STXBP5L: variants seen among roughly 807,000 people sequenced by gnomAD.
STXBP5L encodes the protein syntaxin-binding protein 5-like.
STXBP5L carries 65 observed loss-of-function variants against 144.5 expected under a neutral mutation model. The observed-to-expected ratio is 0.45, with a 90% CI of 0.37 to 0.55. The LOEUF (loss-of-function observed/expected upper bound fraction) is 0.55. Ranked by LOEUF, STXBP5L falls within the 20% of genes least tolerant of loss-of-function variation. The probability of loss-of-function intolerance (pLI) is 0.00; values close to 1 mark genes in which losing one functional copy is unlikely to be tolerated. For synonymous variants in STXBP5L, 505 were observed against 469.6 expected, an observed-to-expected ratio of 1.08 and a Z score of -0.97; for missense variants, 1,298 against 1,405.5, an observed-to-expected ratio of 0.92 and a Z score of 1.22.
At chr3:121,340,332 T>A (rs1207559124) in intron 20 of STXBP5L, among the ~76,000 whole-genome samples, 2 of 152,090 alleles carry the variant, frequency 1.3e-5, no homozygotes, top group Non-Finnish European at 2.9e-5. Context: ...GTCTTTTTTT[T>A]ACTTTTTTTA....
intron 19 of STXBP5L, among the ~76,000 whole-genome samples, chr3:121,308,763 A>T (rs1323911082): frequency 6.6e-6 from 1 of 152,110 alleles, no homozygotes; most frequent in Non-Finnish European, 1.5e-5. Flanking sequence ...CTTATTTCTT[A>T]GCTTTTATAA....
intron 5 of STXBP5L, among the ~76,000 whole-genome samples, chr3:121,075,351 C>A (rs1044243320): frequency 1.3e-5 from 2 of 152,160 alleles, no homozygotes; most frequent in African/African-American, 2.4e-5. Context: ...ATGACTGTGA[C>A]CATGACCACG....
intron 3 of STXBP5L, among the ~76,000 whole-genome samples, chr3:121,007,516 T>G (rs1944428159): frequency 6.6e-6 from 1 of 152,072 alleles, no homozygotes; most frequent in Non-Finnish European, 1.5e-5. Context: ...GGGTATGAAT[T>G]TTTTTCTTGG....
intron 9 of STXBP5L, among the ~76,000 whole-genome samples, chr3:121,201,664 T>C (rs1269215019): frequency 3.9e-5 from 6 of 152,068 alleles, no homozygotes. Flanking sequence ...TGTTTTTTTT[T>C]TTCCATATTT....
At chr3:121,415,692 G>T (rs1292695992) in intron 24 of STXBP5L, among the ~76,000 whole-genome samples, 165 bp from the exon 25 acceptor site, 1 of 152,168 alleles carries the variant, frequency 6.6e-6, no homozygotes, top group Non-Finnish European at 1.5e-5. Flanking sequence ...AGGAACAAAA[G>T]AAATGCCAGA....
intron 3 of STXBP5L, among the ~76,000 whole-genome samples, chr3:121,038,107 T>C (rs954665081): frequency 1.3e-5 from 2 of 151,970 alleles, no homozygotes; most frequent in African/African-American, 4.8e-5. Context: ...TGGTTTCACT[T>C]TTTTTAAATT....
intron 19 of STXBP5L, among the ~76,000 whole-genome samples, chr3:121,306,398 T>C (rs1043868071): frequency 1.3e-5 from 2 of 152,154 alleles, no homozygotes; most frequent in African/African-American, 4.8e-5. Flanking sequence ...TAGACCTCAG[T>C]ACCATAAAAT....
At chr3:120,997,064 T>C (rs1399216607) in intron 3 of STXBP5L, among the ~76,000 whole-genome samples, 2 of 152,204 alleles carry the variant, frequency 1.3e-5, no homozygotes, top group African/African-American at 4.8e-5. Context: ...TTTCTGTTCC[T>C]GTGTTGACAT....
chr3:121,209,722 G>A (rs2048481235), intron 10 of STXBP5L, among the ~76,000 whole-genome samples: 2 of 152,102 alleles, frequency 1.3e-5, no homozygotes, highest in South Asian at 4.1e-4. Flanking sequence ...TGAGAATGAT[G>A]GTTTCCAGCT....
At chr3:121,186,908 GA>G (rs2108136234) in intron 9 of STXBP5L, among the ~76,000 whole-genome samples, 1 of 152,138 alleles carries the variant, frequency 6.6e-6, no homozygotes, top group South Asian at 2.1e-4. Context: ...AAAAAGTCAG[GA>G]AACAACAGGT....
At chr3:120,999,634 T>C (rs575698570) in intron 3 of STXBP5L, among the ~76,000 whole-genome samples, 177 of 152,284 alleles carry the variant, frequency 1.2e-3, no homozygotes, top group African/African-American at 4.2e-3. Context: ...TGGGGTTTTT[T>C]TTTGTGGACT....
chr3:121,044,176 G>T (rs1947350985), intron 4 of STXBP5L, among the ~76,000 whole-genome samples: 1 of 152,168 alleles, frequency 6.6e-6, no homozygotes, highest in African/African-American at 2.4e-5. Flanking sequence ...ATGTATGTAT[G>T]TAATTAGATA....
chr3:121,202,159 T>C (rs934483778), intron 9 of STXBP5L, among the ~76,000 whole-genome samples: 1 of 152,150 alleles, frequency 6.6e-6, no homozygotes, highest in African/African-American at 2.4e-5. Flanking sequence ...TTAAATCTTA[T>C]ATAATTGTAT....
chr3:121,124,526 C>T (rs1035445520), intron 7 of STXBP5L, among the ~76,000 whole-genome samples: 5 of 151,730 alleles, frequency 3.3e-5, no homozygotes, highest in African/African-American at 4.8e-5. Flanking sequence ...TCGATAAGTA[C>T]CTTATAGAAT....
intron 3 of STXBP5L, among the ~76,000 whole-genome samples, chr3:121,023,744 A>T (rs941750849): frequency 2.0e-5 from 3 of 152,136 alleles, no homozygotes; most frequent in Non-Finnish European, 2.9e-5. Flanking sequence ...TGGATCAAAG[A>T]CTTAAATCTA....
chr3:121,413,158 C>G lies in STXBP5L; in HGVS notation c.2949C>G (p.Ser983Arg). 1 of 1,581,952 alleles carries G rather than the reference C, an allele frequency of 6.3e-7. No homozygotes were observed. The highest frequency in any genetic ancestry group is 8.6e-7 in the Non-Finnish European group (1 of 1,167,408). Reference protein sequence around the residue: ...FCANGHIMIMSLPSLRPMLDV... With the variant: ...FCANGHIMIMRLPSLRPMLDV... Reference sequence around the variant, plus strand: ...TATGGATTTACTTTTTTCCATTCAGCCTACCTAGTCTTCGCCCAATGTTGG... The same window carrying G: ...TATGGATTTACTTTTTTCCATTCAGGCTACCTAGTCTTCGCCCAATGTTGG... The change falls in exon 24 of 27, where the codon AGC becomes AGG. Residue 983 changes from serine to arginine, a missense_variant and splice_region_variant. Ser to Arg is a moderately radical substitution (Grantham distance 110). Transcript: ENST00000471454.
intron 19 of STXBP5L, among the ~76,000 whole-genome samples, chr3:121,313,213 G>A (rs1402667728): frequency 2.1e-5 from 3 of 141,178 alleles, no homozygotes; most frequent in African/African-American, 8.3e-5. Context: ...GCCGGAAGGG[G>A]GGCTGACCCC....
At chr3:121,256,490 C>G (rs2050209149) in intron 16 of STXBP5L, among the ~76,000 whole-genome samples, 1 of 151,620 alleles carries the variant, frequency 6.6e-6, no homozygotes, top group African/African-American at 2.4e-5. Flanking sequence ...GTTTTTAGGT[C>G]ACCTTTTTAT....
chr3:121,342,412 A>G, intron 20 of STXBP5L, among the ~76,000 whole-genome samples: 1 of 151,814 alleles, frequency 6.6e-6, no homozygotes, highest in South Asian at 2.1e-4. Context: ...TTAGTTACAT[A>G]TGTATACATG....
Sources: allele counts gnomAD v4.1 joint callset (sites outside exome capture counted in the v4.1 genomes callset), GRCh38; gene constraint gnomAD v4.1.1; transcripts MANE v1.5; gene names NCBI Gene and HGNC (gene_info 2026-07-23, HGNC 2026-07-21).